MAP4: variants seen among roughly 807,000 people sequenced by gnomAD.
The protein encoded by MAP4 is microtubule associated protein 4, also known as microtubule-associated protein 4.
MAP4 carries 76 observed loss-of-function variants against 170.2 expected under a neutral mutation model. The observed-to-expected ratio is 0.45, with a 90% CI of 0.37 to 0.54. The LOEUF (loss-of-function observed/expected upper bound fraction) is 0.54, where lower values mean the gene tolerates loss of function less well. MAP4 is among the 20% of genes least tolerant of loss of function. The pLI, the probability that MAP4 is intolerant of heterozygous loss-of-function variation, is 0.00. For synonymous variants in MAP4, 909 were observed against 994.5 expected (o/e 0.91, Z 1.62); for missense variants, 2,506 against 2,748.0 (o/e 0.91, Z 1.97).
intron 3 of MAP4, chr3:47,973,621 GAATA>G (rs1452294428): frequency 1.0e-6 from 1 of 985,118 alleles, no homozygotes; most frequent in African/African-American, 1.7e-5. Flanking sequence ...GGAAATAAAA[GAATA>G]AATAAATGTC....
chr3:48,071,494 A>C (rs1191486628), intron 1 of MAP4, among the ~76,000 whole-genome samples: 1 of 152,138 alleles, frequency 6.6e-6, no homozygotes, highest in Non-Finnish European at 1.5e-5. Context: ...GGCTGCAATG[A>C]GCCATGATGC....
rs369292323 is a variant in MAP4, at chr3:47,906,657, T to C, written c.5383+2381A>G. ...GAGATCATGCCATTGCACTCCTTCG[T>C]GGGCAATGAGAGCAAAACTCTGTCT... On this transcript the variant is annotated intron_variant, in intron 9 of 20. Transcript: ENST00000683076. Among the ~76,000 whole-genome samples, 10 of 149,948 alleles carry C rather than the reference T, an allele frequency of 6.7e-5. No homozygotes were observed. In the East Asian group the frequency reaches 1.6e-3, roughly 24 times the overall value.
chr3:47,974,224 G>A (rs1269441141), intron 3 of MAP4: 1 of 541,740 alleles, frequency 1.8e-6, no homozygotes, highest in Non-Finnish European at 2.4e-6. Flanking sequence ...TCAGGAGTTC[G>A]AGACCAGCCT....
Position 47,910,188 on chromosome 3 carries a change from A to G in MAP4, c.4233T>C (p.Asn1411=), listed in dbSNP as rs1290007753. 1 of 1,613,410 alleles carries G rather than the reference A, an allele frequency of 6.2e-7. No homozygotes were observed. Among genetic ancestry groups the G allele is most frequent in the South Asian group, 1.1e-5 (1 of 91,070 alleles). ...GIEGMAYMDE[N]RNITFTCPRT... ...TGGGACAGGTAAATGTAATATTTCT[A>G]TTTTCGTCCATATAGGCCATTCCTT... The change falls in exon 9 of 21, where the codon AAT becomes AAC. Residue 1411 remains asparagine, a synonymous_variant. Transcript: ENST00000683076.
At chr3:48,044,778 A>G (rs982862269) in intron 1 of MAP4, among the ~76,000 whole-genome samples, 2 of 151,836 alleles carry the variant, frequency 1.3e-5, no homozygotes, top group Non-Finnish European at 2.9e-5. Flanking sequence ...CTCAAAAAAT[A>G]ATTTAAAAAA....
chr3:47,870,089 T>A (rs1355453950), intron 15 of MAP4, among the ~76,000 whole-genome samples: 2 of 151,190 alleles, frequency 1.3e-5, no homozygotes, highest in Admixed American at 1.3e-4. Flanking sequence ...GTAGAGCTAG[T>A]GAATGACCTA....
chr3:47,889,053 C>T (rs2098140435), intron 10 of MAP4, among the ~76,000 whole-genome samples: 1 of 152,194 alleles, frequency 6.6e-6, no homozygotes, highest in Non-Finnish European at 1.5e-5. Flanking sequence ...CCACAGAGCT[C>T]AAACCATGGC....
At chr3:47,907,770 A>G (rs1241349625) in intron 9 of MAP4, among the ~76,000 whole-genome samples, 1 of 152,248 alleles carries the variant, frequency 6.6e-6, no homozygotes, top group Admixed American at 6.5e-5. Context: ...TGGATAGAAC[A>G]CTGGAAATCT....
Position 47,928,324 on chromosome 3 carries a change from T to G in MAP4, c.319A>C (p.Lys107Gln), listed in dbSNP as rs2100047292. Reference protein sequence around the residue: ...TGSPTEFLEEKMAYQEYPNSQ... With the variant: ...TGSPTEFLEEQMAYQEYPNSQ... The stretch of plus-strand genomic sequence containing the variant: ...TTTGGGTATTCCTGGTAGGCCATTT[T>G]CTCTTCAAGGAATTCAGTTGGAGAC... The change falls in exon 4 of 21, where the codon AAA (lysine) becomes CAA (glutamine). Residue 107 changes from lysine (K) to glutamine (Q), a missense_variant. Coordinates refer to ENST00000683076, the MANE Select transcript of MAP4 (RefSeq NM_001385682.1). 6.2e-7 allele frequency: 1 copy of G among 1,614,148 alleles called. No homozygotes were observed. The highest frequency in any genetic ancestry group is 2.2e-5 in the East Asian group (1 of 44,882).
chr3:47,882,288 A>G (rs1253458372), intron 10 of MAP4, among the ~76,000 whole-genome samples: 7 of 152,178 alleles, frequency 4.6e-5, no homozygotes, highest in African/African-American at 1.7e-4. Context: ...TCAGTAAATA[A>G]AAAAATAAAT....
chr3:47,969,422 A>AG (rs1553681162), intron 3 of MAP4, among the ~76,000 whole-genome samples: 26 of 6,598 alleles, frequency 3.9e-3, no homozygotes, highest in Admixed American at 0.012. Context: ...GCGCGGGGAG[A>AG]GAAAAAAAAA....
At chr3:47,895,314 A>G (rs2153179812) in intron 10 of MAP4, among the ~76,000 whole-genome samples, 1 of 152,348 alleles carries the variant, frequency 6.6e-6, no homozygotes, top group South Asian at 2.1e-4. Flanking sequence ...TTCTTCCTCT[A>G]TAAAAGGAGG....
intron 1 of MAP4, among the ~76,000 whole-genome samples, chr3:48,073,082 T>C (rs958043210): frequency 6.6e-6 from 1 of 151,970 alleles, no homozygotes; most frequent in African/African-American, 2.4e-5. Context: ...TGGTGGCACA[T>C]GCCCGTAATC....
In MAP4 at chr3:47,852,805, C is replaced by T. The variant is rs764339971; in HGVS notation, c.*129G>A. Reference sequence around the variant, plus strand: ...GCGCTCACTGGTCTAGTGGACAGCCCGGGAAAGGGGGCCAAGGACCCGGGA... The same window carrying T: ...GCGCTCACTGGTCTAGTGGACAGCCTGGGAAAGGGGGCCAAGGACCCGGGA... On this transcript the variant is annotated 3_prime_UTR_variant, in exon 21 of 21. Coordinates refer to ENST00000683076, the MANE Select transcript of MAP4 (RefSeq NM_001385682.1). The T allele has an allele frequency of 6.0e-5, 93 of 1,549,404 alleles. No homozygotes were observed. The highest frequency in any genetic ancestry group is 1.8e-4 in the Admixed American group (9 of 50,998).
intron 5 of MAP4, among the ~76,000 whole-genome samples, chr3:47,920,060 T>C (rs1036520136): frequency 3.3e-5 from 5 of 152,162 alleles, no homozygotes; most frequent in African/African-American, 4.8e-5. Context: ...AACCTCCACC[T>C]CCCAGGTTCA....
chr3:47,905,419 C>A (rs1037965286), intron 9 of MAP4, among the ~76,000 whole-genome samples: 1 of 151,698 alleles, frequency 6.6e-6, no homozygotes, highest in Non-Finnish European at 1.5e-5. Context: ...CAAATACATG[C>A]AGAAATTTAG....
At chr3:48,025,454 A>T (rs2100112555) in intron 1 of MAP4, among the ~76,000 whole-genome samples, 1 of 151,684 alleles carries the variant, frequency 6.6e-6, no homozygotes, top group African/African-American at 2.4e-5. Flanking sequence ...ATGCCCAGCT[A>T]ATTTTTGTAT....
chr3:47,952,629 G>C (rs777778253), intron 3 of MAP4, among the ~76,000 whole-genome samples: 4 of 149,750 alleles, frequency 2.7e-5, no homozygotes, highest in Non-Finnish European at 5.9e-5. Context: ...GTCCACTCAG[G>C]GTTAAATGGA....
At chr3:48,015,413 T>C (rs546915930) in intron 1 of MAP4, among the ~76,000 whole-genome samples, 1 of 152,300 alleles carries the variant, frequency 6.6e-6, no homozygotes, top group South Asian at 2.1e-4. Context: ...TAAGCTGCTA[T>C]CCTAGGACAT....
Sources: gnomAD v4.1 joint callset for allele counts (sites outside exome capture counted in the v4.1 genomes callset) on GRCh38, gnomAD v4.1.1 for gene constraint, MANE v1.5 for transcripts, NCBI Gene and HGNC (gene_info 2026-07-23, HGNC 2026-07-21) for gene names.